The following SRPK2 variants were observed in gnomAD, a reference collection of about 807,000 sequenced individuals.
The protein encoded by SRPK2 is SRSF protein kinase 2, also known as SFRS protein kinase 2.
A neutral mutation model predicts 90.8 loss-of-function variants in SRPK2; 21 were observed. The observed-to-expected ratio is 0.23, with a 90% CI of 0.16 to 0.33. SRPK2 has a LOEUF of 0.33. SRPK2 is among the 10% of genes least tolerant of loss of function. The probability of loss-of-function intolerance (pLI) is 1.00; values close to 1 mark genes in which losing one functional copy is unlikely to be tolerated. For synonymous variants in SRPK2, 288 were observed against 311.1 expected (o/e 0.93, Z 0.78); for missense variants, 620 against 869.0 (o/e 0.71, Z 3.60).
chr7:105,339,730 T>C (rs1815520433), intron 2 of SRPK2, among the ~76,000 whole-genome samples: 3 of 152,210 alleles, frequency 2.0e-5, no homozygotes, highest in South Asian at 4.1e-4. Context: ...TCTAGTGCCT[T>C]GATTGATGCT....
chr7:105,299,664 A>G (rs960388409), intron 2 of SRPK2, among the ~76,000 whole-genome samples: 7 of 152,150 alleles, frequency 4.6e-5, no homozygotes, highest in African/African-American at 1.7e-4. Context: ...AGGCTATGGC[A>G]GGCAGACCAT....
Position 105,367,067 on chromosome 7 carries a change from GTTTT to G in SRPK2, c.71+21577_71+21580del, listed in dbSNP as rs57405823. 1.4e-3 allele frequency among the ~76,000 whole-genome samples: 202 copies of G among 143,516 alleles called. 1 individual carries two copies. The highest frequency in any genetic ancestry group is 4.9e-3 in the African/African-American group (195 of 39,562). The allele number at this position is 143,516 out of a possible 152,430, so 94.2% of individuals were successfully genotyped here. On this transcript the variant is annotated intron_variant, in intron 2 of 15. Transcript: ENST00000393651. ...AAAATATGAGATCACCTTTTTTTTT[GTTTT>G]TTTTTTTGTTTGTTTGTTTGTTTTA...
intron 2 of SRPK2, among the ~76,000 whole-genome samples, chr7:105,287,274 A>G (rs1458034921): frequency 3.8e-4 from 52 of 136,024 alleles, no homozygotes; most frequent in Non-Finnish European, 4.1e-4. Context: ...AAAAAAAAAA[A>G]AAAAAAAAAA....
chr7:105,197,943 G>C (rs1490162001), intron 3 of SRPK2, among the ~76,000 whole-genome samples: 2 of 152,240 alleles, frequency 1.3e-5, no homozygotes, highest in Non-Finnish European at 2.9e-5. Context: ...GCCTGATATT[G>C]CAAGGCAATG....
chr7:105,252,814 C>A (rs1802666646), intron 2 of SRPK2, among the ~76,000 whole-genome samples: 1 of 150,800 alleles, frequency 6.6e-6, no homozygotes, highest in Admixed American at 6.6e-5. Context: ...GTGATCTCAG[C>A]TCACTGCAAC....
intron 2 of SRPK2, among the ~76,000 whole-genome samples, chr7:105,204,042 A>G (rs1418394680): frequency 1.3e-5 from 2 of 152,148 alleles, no homozygotes; most frequent in Non-Finnish European, 2.9e-5. Flanking sequence ...TAGCGCTTCA[A>G]GAACTACCAA....
chr7:105,258,815 G>A (rs951605718), intron 2 of SRPK2, among the ~76,000 whole-genome samples: 2 of 152,108 alleles, frequency 1.3e-5, no homozygotes, highest in African/African-American at 4.8e-5. Flanking sequence ...ATGCAGAAAA[G>A]GCCTTCAACA....
intron 2 of SRPK2, among the ~76,000 whole-genome samples, chr7:105,304,892 G>A (rs1040376052): frequency 3.3e-5 from 5 of 152,060 alleles, no homozygotes; most frequent in African/African-American, 9.7e-5. Context: ...TTCACTAAAA[G>A]AAAGACTAAA....
chr7:105,283,469 G>A (rs966243333), intron 2 of SRPK2, among the ~76,000 whole-genome samples: 1 of 152,116 alleles, frequency 6.6e-6, no homozygotes, highest in Admixed American at 6.6e-5. Context: ...ACATGCTACC[G>A]TATGGCTGAA....
chr7:105,397,500 T>C (rs930452101), intron 1 of SRPK2, among the ~76,000 whole-genome samples: 1 of 151,630 alleles, frequency 6.6e-6, no homozygotes, highest in Non-Finnish European at 1.5e-5. Context: ...CGGGTAATTT[T>C]TGTATATTTT....
At chr7:105,343,978 G>C (rs1252534889) in intron 2 of SRPK2, among the ~76,000 whole-genome samples, 1 of 152,064 alleles carries the variant, frequency 6.6e-6, no homozygotes, top group Non-Finnish European at 1.5e-5. Context: ...TGGCCAGGCT[G>C]GTCTCGAACT....
chr7:105,213,927 T>C (rs1037685318), intron 2 of SRPK2, among the ~76,000 whole-genome samples: 1 of 152,182 alleles, frequency 6.6e-6, no homozygotes, highest in Non-Finnish European at 1.5e-5. Context: ...TACTAATATA[T>C]AATGGATCAA....
intron 2 of SRPK2, among the ~76,000 whole-genome samples, chr7:105,280,153 C>A (rs774642645): frequency 2.0e-5 from 3 of 152,092 alleles, no homozygotes; most frequent in Non-Finnish European, 4.4e-5. Context: ...CAGTGGCTCA[C>A]GCCTGTACCC....
chr7:105,396,780 GAGAA>G (rs1425051795), intron 1 of SRPK2, among the ~76,000 whole-genome samples: 52 of 142,062 alleles, frequency 3.7e-4, no homozygotes, highest in Middle Eastern at 3.5e-3. Context: ...AAGAAAGAGA[GAGAA>G]AGAAAGAAAG....
chr7:105,301,734 G>T (rs779971641), intron 2 of SRPK2: 95 of 1,605,430 alleles, frequency 5.9e-5, no homozygotes, highest in Non-Finnish European at 7.8e-5. Flanking sequence ...TAACAACACC[G>T]TATCATCAGC....
chr7:105,320,947 C>T (rs1433697506), intron 2 of SRPK2, among the ~76,000 whole-genome samples: 1 of 152,198 alleles, frequency 6.6e-6, no homozygotes, highest in Non-Finnish European at 1.5e-5. Context: ...CCCTCTGCCT[C>T]AGCCTCCTGA....
chr7:105,318,130 T>C (rs1812513743), intron 2 of SRPK2, among the ~76,000 whole-genome samples: 1 of 152,246 alleles, frequency 6.6e-6, no homozygotes, highest in African/African-American at 2.4e-5. Context: ...AGTCTCGCTC[T>C]GTCACCCAGG....
At chr7:105,270,648 A>G (rs1326961040) in intron 2 of SRPK2, among the ~76,000 whole-genome samples, 1 of 151,760 alleles carries the variant, frequency 6.6e-6, no homozygotes, top group Non-Finnish European at 1.5e-5. Context: ...ACCTCAGATG[A>G]TGCGCCCACC....
chr7:105,141,328 A>G (rs189532160), intron 11 of SRPK2, among the ~76,000 whole-genome samples: 2 of 152,296 alleles, frequency 1.3e-5, no homozygotes, highest in East Asian at 1.9e-4. Flanking sequence ...GAGGTTTCAG[A>G]GCTTTTCCCC....
Sources: allele counts gnomAD v4.1 joint callset (sites outside exome capture counted in the v4.1 genomes callset), GRCh38; gene constraint gnomAD v4.1.1; transcripts MANE v1.5; gene names NCBI Gene and HGNC (gene_info 2026-07-23, HGNC 2026-07-21).